Variants in EXOC4 observed in about 807,000 individuals in gnomAD.
EXOC4 encodes SEC8-like 1.
A neutral mutation model predicts 107.2 loss-of-function variants in EXOC4; 71 were observed. The ratio of observed to expected loss-of-function variants is 0.66; its 90% CI spans 0.55 to 0.81. EXOC4 has a LOEUF of 0.81. Among genes scored for constraint, EXOC4 ranks in the 30% least tolerant of loss-of-function variants. The pLI, the probability that EXOC4 is intolerant of heterozygous loss-of-function variation, is 0.00. For synonymous variants in EXOC4, 456 were observed against 441.2 expected (o/e 1.03, Z -0.42); for missense variants, 1,108 against 1,189.6 (o/e 0.93, Z 1.01).
At chr7:133,677,499 A>C (rs1030540437) in intron 10 of EXOC4, among the ~76,000 whole-genome samples, 15 of 152,226 alleles carry the variant, frequency 9.9e-5, no homozygotes, top group Non-Finnish European at 1.8e-4. Flanking sequence ...TCATAAAAAT[A>C]AAATTCCATA....
intron 14 of EXOC4, among the ~76,000 whole-genome samples, chr7:133,963,785 A>C (rs1801000201): frequency 6.6e-6 from 1 of 152,208 alleles, no homozygotes; most frequent in African/African-American, 2.4e-5. Context: ...TGTGTTAGGC[A>C]TGGGGCATTC....
intron 7 of EXOC4, among the ~76,000 whole-genome samples, chr7:133,428,742 G>T (rs1281111968): frequency 6.6e-6 from 1 of 152,134 alleles, no homozygotes; most frequent in East Asian, 1.9e-4. Flanking sequence ...TATGCCACTT[G>T]CTTTCTTTTA....
intron 7 of EXOC4, among the ~76,000 whole-genome samples, chr7:133,388,013 A>C (rs916225232): frequency 1.3e-5 from 2 of 151,880 alleles, no homozygotes; most frequent in African/African-American, 2.4e-5. Flanking sequence ...CCAAAAACAA[A>C]AAAAAAAGAT....
intron 9 of EXOC4, among the ~76,000 whole-genome samples, chr7:133,593,486 G>A (rs1032927803): frequency 2.6e-5 from 4 of 152,174 alleles, no homozygotes; most frequent in African/African-American, 9.7e-5. Context: ...TAACGTGTGC[G>A]ATTATAAAAT....
At chr7:133,583,679 A>AG (rs1220599711) in intron 9 of EXOC4, among the ~76,000 whole-genome samples, 1 of 152,180 alleles carries the variant, frequency 6.6e-6, no homozygotes, top group Non-Finnish European at 1.5e-5. Flanking sequence ...AAAAAAAGTG[A>AG]GAGGTGCAGC....
rs553966367 is a variant in EXOC4 at position 133,833,288 on chromosome 7, C to T, written c.1734+15744C>T. Among the ~76,000 whole-genome samples, 7 of 149,646 alleles carry T rather than the reference C, an allele frequency of 4.7e-5. No individual in the cohort carries two copies. The South Asian group carries it at 1.5e-3, about 32-fold the overall frequency. ...CTAGGGATGTTTAGGTATCTGGAAACCTGGAATTGATTAATAAGACAAAAG... is the reference window on the plus strand; with the variant it reads ...CTAGGGATGTTTAGGTATCTGGAAATCTGGAATTGATTAATAAGACAAAAG... On this transcript the variant is annotated intron_variant, in intron 11 of 17. Coordinates refer to ENST00000253861, the MANE Select transcript of EXOC4 (RefSeq NM_021807.4).
intron 5 of EXOC4, among the ~76,000 whole-genome samples, chr7:133,327,856 A>G (rs975824274): frequency 6.6e-6 from 1 of 152,102 alleles, no homozygotes; most frequent in Non-Finnish European, 1.5e-5. Context: ...TTTACTTCCA[A>G]TTGTGTGGTC....
intron 14 of EXOC4, among the ~76,000 whole-genome samples, chr7:133,974,450 TAC>T (rs1346696456): frequency 1.3e-5 from 2 of 152,238 alleles, no homozygotes; most frequent in African/African-American, 4.8e-5. Flanking sequence ...TAGAACTTTA[TAC>T]AGTTTTCCTT....
chr7:133,805,612 A>G lies in EXOC4; in HGVS notation c.1515-11713A>G, dbSNP rs527639435. 5.9e-5 allele frequency among the ~76,000 whole-genome samples: 9 copies of G among 152,298 alleles called. No individual in the cohort carries two copies. In the East Asian group the frequency reaches 1.7e-3, roughly 29 times the overall value. On this transcript the variant is annotated intron_variant, in intron 10 of 17. Coordinates refer to ENST00000253861, the MANE Select transcript of EXOC4 (RefSeq NM_021807.4). ...GCATTCACCATACACGTAAGGGAGA[A>G]GGGCCTCTGGAGGAAGTGACATCTA...
At chr7:133,841,420 G>A (rs994764679) in intron 11 of EXOC4, among the ~76,000 whole-genome samples, 1 of 152,160 alleles carries the variant, frequency 6.6e-6, no homozygotes, top group Non-Finnish European at 1.5e-5. Flanking sequence ...TGGTTCCCAG[G>A]TTTTTTAATT....
intron 9 of EXOC4, among the ~76,000 whole-genome samples, chr7:133,517,913 A>G: frequency 6.6e-6 from 1 of 152,110 alleles, no homozygotes; most frequent in East Asian, 1.9e-4. Flanking sequence ...CCCCATACTT[A>G]GTGGATTAAA....
In EXOC4 at chr7:133,895,648, A is replaced by G. The variant is rs551191630; in HGVS notation, c.1784A>G (p.His595Arg). ...KTVQDLLNLMHDLSAYSDQFL... is the reference protein window; with the variant it reads ...KTVQDLLNLMRDLSAYSDQFL... The stretch of plus-strand genomic sequence containing the variant: ...GTTCAAGACCTCCTGAACCTGATGC[A>G]TGACTTGAGTGCATATTCAGATCAA... The change falls in exon 12 of 18, where the codon CAT becomes CGT. Residue 595 changes from histidine to arginine, a missense_variant. By Grantham distance (29) the His-to-Arg change is conservative. Coordinates refer to ENST00000253861, the MANE Select transcript of EXOC4 (RefSeq NM_021807.4). 2.8e-5 allele frequency: 45 copies of G among 1,614,132 alleles called. No individual in the cohort carries two copies. In the Admixed American group the frequency reaches 4.0e-4, roughly 14 times the overall value.
chr7:133,624,702 C>T (rs1802413678), intron 9 of EXOC4, among the ~76,000 whole-genome samples: 1 of 152,066 alleles, frequency 6.6e-6, no homozygotes, highest in African/African-American at 2.4e-5. Context: ...AAGCAATTCT[C>T]CTGCCTCAGC....
At chr7:133,263,222 A>G (rs1793619373) in intron 1 of EXOC4, among the ~76,000 whole-genome samples, 1 of 152,180 alleles carries the variant, frequency 6.6e-6, no homozygotes. Flanking sequence ...TGATCATTAC[A>G]CAGTCTGTGA....
At chr7:133,485,667 C>T (rs1799256171) in intron 9 of EXOC4, among the ~76,000 whole-genome samples, 1 of 152,148 alleles carries the variant, frequency 6.6e-6, no homozygotes, top group Admixed American at 6.5e-5. Context: ...ACCCAGAGTG[C>T]AAGCCTTATT....
intron 2 of EXOC4, among the ~76,000 whole-genome samples, chr7:133,278,732 G>A (rs940319402): frequency 2.6e-5 from 4 of 152,102 alleles, no homozygotes; most frequent in African/African-American, 4.8e-5. Context: ...TAGGTCACTG[G>A]AAAGACATTG....
At chr7:133,356,188 T>C in intron 5 of EXOC4, 142 bp from the exon 6 acceptor site, 1 of 805,646 alleles carries the variant, frequency 1.2e-6, no homozygotes, top group Non-Finnish European at 1.9e-6. Flanking sequence ...GGATGGTTAC[T>C]GTGCAAATAT....
rs76563047 is a variant in EXOC4 at position 133,416,788 on chromosome 7, A to G, written c.1182+41786A>G. Among the ~76,000 whole-genome samples, 738 of 152,284 alleles carry G rather than the reference A, an allele frequency of 4.8e-3. 4 individuals carry two copies. The highest frequency in any genetic ancestry group is 0.017 in the Middle Eastern group (5 of 294). On this transcript the variant is annotated intron_variant, in intron 7 of 17. Coordinates refer to ENST00000253861, the MANE Select transcript of EXOC4 (RefSeq NM_021807.4). ...ACATTTTTTAAAGAAGGATGGATGA[A>G]TGACTCTCTGCTTGCAGGGAGGGAA...
intron 10 of EXOC4, among the ~76,000 whole-genome samples, chr7:133,631,434 T>G (rs1408836247): frequency 6.6e-6 from 1 of 152,110 alleles, no homozygotes; most frequent in Non-Finnish European, 1.5e-5. Flanking sequence ...TAATCTCTTA[T>G]ATAGCTAACC....
Sources: gnomAD v4.1 joint callset for allele counts (sites outside exome capture counted in the v4.1 genomes callset) on GRCh38, gnomAD v4.1.1 for gene constraint, MANE v1.5 for transcripts, NCBI Gene and HGNC (gene_info 2026-07-23, HGNC 2026-07-21) for gene names.